Variants in NFIC observed in about 807,000 individuals in gnomAD.
NFIC encodes nuclear factor I C.
NFIC carries 12 observed loss-of-function variants against 54.4 expected under a neutral mutation model. That is an observed-to-expected ratio of 0.22 (90% CI 0.14 to 0.36). NFIC has a LOEUF of 0.36. NFIC is among the 10% of genes least tolerant of loss of function. The pLI is 1.00. For missense variants in NFIC, 575 were observed against 718.2 expected (o/e 0.80, Z 2.28); for synonymous variants, 322 against 319.2 (o/e 1.01, Z -0.09).
intron 3 of NFIC, among the ~76,000 whole-genome samples, chr19:3,432,832 G>A (rs1029301545): frequency 2.0e-5 from 3 of 150,062 alleles, no homozygotes; most frequent in African/African-American, 4.9e-5. Context: ...CTGCCACCAC[G>A]CCCGGCTAAT....
chr19:3,450,356 A>AAG (rs58382268), intron 7 of NFIC, among the ~76,000 whole-genome samples: 100,009 of 146,388 alleles, frequency 0.68, 34,847 homozygotes, highest in African/African-American at 0.79. Context: ...AAAAAAAAAA[A>AAG]AGAGACATCT....
At chr19:3,364,426 C>G (rs150300645), upstream of NFIC, among the ~76,000 whole-genome samples, 63 of 152,268 alleles carry the variant, frequency 4.1e-4, no homozygotes, top group East Asian at 0.011. Context: ...GACATAGACC[C>G]AAGCAGCGAG....
At chr19:3,413,432 G>A (rs1001472449) in intron 2 of NFIC, among the ~76,000 whole-genome samples, 41 of 152,092 alleles carry the variant, frequency 2.7e-4, no homozygotes, top group African/African-American at 9.7e-4. Flanking sequence ...GCTGATCATT[G>A]ATTCTAGACC....
intron 2 of NFIC, among the ~76,000 whole-genome samples, 192 bp from the exon 3 acceptor site, chr19:3,424,914 T>A (rs1263125518): frequency 2.6e-5 from 4 of 152,204 alleles, no homozygotes; most frequent in African/African-American, 9.6e-5. Flanking sequence ...GCCAGATGTC[T>A]GTGACCCTCT....
intron 1 of NFIC, among the ~76,000 whole-genome samples, chr19:3,367,151 CGT>C (rs1335660945): frequency 6.6e-6 from 1 of 152,178 alleles, no homozygotes; most frequent in African/African-American, 2.4e-5. Flanking sequence ...GTGTTTTCCC[CGT>C]GTCCCCCCAC....
At chr19:3,410,043 ACTT>A (rs991905199) in intron 2 of NFIC, among the ~76,000 whole-genome samples, 4 of 21,266 alleles carry the variant, frequency 1.9e-4, no homozygotes, top group African/African-American at 6.0e-4. Context: ...CTGCGTCTCT[ACTT>A]TTTTTTTTTC....
intron 1 of NFIC, among the ~76,000 whole-genome samples, chr19:3,376,815 G>C (rs1373944784): frequency 6.6e-6 from 1 of 151,978 alleles, no homozygotes; most frequent in Non-Finnish European, 1.5e-5. Flanking sequence ...TGCAACCTCT[G>C]CCTCCCGGGT....
chr19:3,374,176 A>G (rs1303810241), intron 1 of NFIC, among the ~76,000 whole-genome samples: 1 of 152,080 alleles, frequency 6.6e-6, no homozygotes, highest in Non-Finnish European at 1.5e-5. Flanking sequence ...GCTGGCCTGG[A>G]CTTTCAGGGT....
At position 3,409,569 on chromosome 19, in the gene NFIC, C is replaced by T. The variant is rs555880909; in HGVS notation, c.563-15537C>T. Among the ~76,000 whole-genome samples the T allele has an allele frequency of 4.6e-5, 7 of 150,906 alleles. No homozygotes were observed. The East Asian group carries it at 6.0e-4, about 13-fold the overall frequency. The stretch of plus-strand genomic sequence containing the variant: ...ACCTGTTCCGTGAGTGCCGGGTGTG[C>T]GTTGACCTCCCAGTCACCAACGGCG... On this transcript the variant is annotated intron_variant, in intron 2 of 10. Transcript: ENST00000443272.
At chr19:3,372,780 G>A (rs999471953) in intron 1 of NFIC, among the ~76,000 whole-genome samples, 1 of 152,024 alleles carries the variant, frequency 6.6e-6, no homozygotes, top group Admixed American at 6.6e-5. Context: ...GACTTTGGTG[G>A]AAGATTTCAT....
At chr19:3,409,001 G>T (rs1052831703) in intron 2 of NFIC, among the ~76,000 whole-genome samples, 4 of 152,058 alleles carry the variant, frequency 2.6e-5, no homozygotes, top group Admixed American at 1.3e-4. Context: ...CAAAGTGCTG[G>T]AATTACAGGT....
intron 2 of NFIC, among the ~76,000 whole-genome samples, chr19:3,396,928 C>T (rs2145522445): frequency 6.6e-6 from 1 of 152,258 alleles, no homozygotes; most frequent in South Asian, 2.1e-4. Flanking sequence ...TGCACTCCAG[C>T]CTGGTGACAG....
intron 2 of NFIC, among the ~76,000 whole-genome samples, chr19:3,394,068 G>C (rs111880037): frequency 6.6e-6 from 1 of 151,306 alleles, no homozygotes; most frequent in Non-Finnish European, 1.5e-5. Flanking sequence ...TCAGCCTCCC[G>C]AGTAGCTGCC....
chr19:3,412,761 G>A (rs74616235), intron 2 of NFIC, among the ~76,000 whole-genome samples: 191 of 152,326 alleles, frequency 1.3e-3, no homozygotes, highest in African/African-American at 4.5e-3. Flanking sequence ...ACATGCAGAT[G>A]TCGTTATAAT....
At chr19:3,361,640 G>A (rs1054783538), upstream of NFIC, among the ~76,000 whole-genome samples, 13 of 152,038 alleles carry the variant, frequency 8.6e-5, no homozygotes, top group Non-Finnish European at 1.9e-4. Context: ...CTCCCACAAT[G>A]ACACAGAGGC....
intron 2 of NFIC, among the ~76,000 whole-genome samples, chr19:3,396,717 A>C (rs1430118264): frequency 6.6e-6 from 1 of 152,242 alleles, no homozygotes; most frequent in African/African-American, 2.4e-5. Context: ...GCACTTGCAG[A>C]GGCCAAGGTG....
intron 3 of NFIC, among the ~76,000 whole-genome samples, chr19:3,426,338 C>G (rs1182347255): frequency 6.6e-6 from 1 of 152,056 alleles, no homozygotes; most frequent in African/African-American, 2.4e-5. Context: ...CTTGGCTTCC[C>G]AAAGCGCTGG....
chr19:3,429,719 CA>C (rs886719143), intron 3 of NFIC, among the ~76,000 whole-genome samples: 87 of 152,328 alleles, frequency 5.7e-4, no homozygotes, highest in African/African-American at 1.9e-3. Flanking sequence ...CACCGCCACC[CA>C]AAAGCCAAGA....
At position 3,464,758 on chromosome 19, in the gene NFIC, A is replaced by G. The variant is rs2082694379; in HGVS notation, c.*1989A>G. ...CCAGGACCCTCCCCCATCACCCCCAAGAGAGGTTCGCCATCCTCTGGCCTC... is the reference window on the plus strand; with the variant it reads ...CCAGGACCCTCCCCCATCACCCCCAGGAGAGGTTCGCCATCCTCTGGCCTC... On this transcript the variant is annotated 3_prime_UTR_variant, in exon 11 of 11. Transcript: ENST00000443272. 4.1e-6 allele frequency: 4 copies of G among 971,992 alleles called. No homozygotes were observed. The allele number at this position is 971,992 out of a possible 1,614,324, so 60.2% of individuals were successfully genotyped here.
Sources: allele counts gnomAD v4.1 joint callset (sites outside exome capture counted in the v4.1 genomes callset), GRCh38; gene constraint gnomAD v4.1.1; transcripts MANE v1.5; gene names NCBI Gene and HGNC (gene_info 2026-07-23, HGNC 2026-07-21).